PPP4R4: variants seen among roughly 807,000 people sequenced by gnomAD.
PPP4R4 encodes protein phosphatase 4 regulatory subunit 4, also known as serine/threonine-protein phosphatase 4 regulatory subunit 4.
PPP4R4 carries 70 observed loss-of-function variants against 121.8 expected under a neutral mutation model. That is an observed-to-expected ratio of 0.57 (90% CI 0.47 to 0.70). The LOEUF is 0.70. Among genes scored for constraint, PPP4R4 ranks in the 30% least tolerant of loss-of-function variants. The pLI is 0.00. For missense variants in PPP4R4, 875 were observed against 1,033.6 expected, an observed-to-expected ratio of 0.85 and a Z score of 2.10; for synonymous variants, 348 against 355.7, an observed-to-expected ratio of 0.98 and a Z score of 0.24.
chr14:94,225,338 G>A (rs1891636320), intron 3 of PPP4R4, among the ~76,000 whole-genome samples: 1 of 152,118 alleles, frequency 6.6e-6, no homozygotes, highest in African/African-American at 2.4e-5. Flanking sequence ...TGTAATTTGG[G>A]GCCTGCTTTG....
chr14:94,268,789 C>T (rs1271366980), intron 23 of PPP4R4, among the ~76,000 whole-genome samples: 1 of 152,068 alleles, frequency 6.6e-6, no homozygotes, highest in Non-Finnish European at 1.5e-5. Flanking sequence ...ATCACGAGAA[C>T]AGCATGGGAA....
intron 1 of PPP4R4, among the ~76,000 whole-genome samples, chr14:94,175,094 T>A (rs924842654): frequency 6.7e-6 from 1 of 148,580 alleles, no homozygotes; most frequent in East Asian, 2.0e-4. Flanking sequence ...GGCCCACCCA[T>A]CGGTCCACAC....
intron 23 of PPP4R4, among the ~76,000 whole-genome samples, chr14:94,268,448 T>C (rs1242251985): frequency 6.6e-6 from 1 of 152,248 alleles, no homozygotes; most frequent in Non-Finnish European, 1.5e-5. Flanking sequence ...TTATTTAGTT[T>C]TAACTTTGCT....
In PPP4R4 at chr14:94,251,763, A is replaced by G; in HGVS notation, c.1732A>G (p.Lys578Glu). ...QKLIEQLGQG[K>E]SYWNRLRFLD... is the part of the protein sequence containing the mutation. Reference sequence around the variant, plus strand: ...GTTGTTTCTAGAATTGGGCCAAGGAAAAAGTTACTGGAATAGACTTCGATT... The same window carrying G: ...GTTGTTTCTAGAATTGGGCCAAGGAGAAAGTTACTGGAATAGACTTCGATT... The change falls in exon 16 of 25, where the codon AAA becomes GAA. Residue 578 changes from lysine (K) to glutamate (E), a missense_variant. Coordinates refer to ENST00000304338, the MANE Select transcript of PPP4R4 (RefSeq NM_058237.2). 2 of 1,554,028 alleles carry G rather than the reference A, an allele frequency of 1.3e-6. No individual in the cohort carries two copies. Among genetic ancestry groups the G allele is most frequent in the Non-Finnish European group, 1.7e-6 (2 of 1,154,876 alleles).
At chr14:94,189,744 C>T (rs77866591) in intron 2 of PPP4R4, among the ~76,000 whole-genome samples, 1,684 of 152,304 alleles carry the variant, frequency 0.011, 33 homozygotes, top group African/African-American at 0.038. Flanking sequence ...AAATATGCCT[C>T]TGCTTGTTAT....
In PPP4R4 at chr14:94,207,387, C is replaced by T. The variant is rs116004416; in HGVS notation, c.192-1077C>T. 1.6e-3 allele frequency among the ~76,000 whole-genome samples: 236 copies of T among 151,960 alleles called. 2 individuals carry two copies. The highest frequency in any genetic ancestry group is 5.5e-3 in the African/African-American group (228 of 41,494). ...TGATGTCCTGTATTTCATAGCTTAC[C>T]GTATAGCAACAGAAAAAGCCTTTCT... On this transcript the variant is annotated intron_variant, in intron 2 of 24. Coordinates refer to ENST00000304338, the MANE Select transcript of PPP4R4 (RefSeq NM_058237.2).
chr14:94,270,593 T>A (rs925151641), intron 23 of PPP4R4, among the ~76,000 whole-genome samples: 1 of 152,168 alleles, frequency 6.6e-6, no homozygotes, highest in South Asian at 2.1e-4. Flanking sequence ...AATAATATTT[T>A]AAAAAATGGT....
intron 3 of PPP4R4, among the ~76,000 whole-genome samples, chr14:94,219,080 C>CTTTTTTTTTTTT (rs71301922): frequency 3.7e-5 from 4 of 106,952 alleles, no homozygotes; most frequent in Non-Finnish European, 3.7e-5. Flanking sequence ...CTTTTCTTTT[C>CTTTTTTTTTTTT]TTTTTTTTTT....
intron 2 of PPP4R4, among the ~76,000 whole-genome samples, chr14:94,184,992 C>G (rs968833073): frequency 2.6e-5 from 4 of 152,116 alleles, no homozygotes; most frequent in African/African-American, 9.7e-5. Flanking sequence ...TACTTGTATT[C>G]AAGGAGATAG....
chr14:94,186,283 C>T lies in PPP4R4; in HGVS notation c.191+10156C>T, dbSNP rs1474827341. On this transcript the variant is annotated intron_variant, in intron 2 of 24. Transcript: ENST00000304338. ...TCCCTCCCGTGAGCCCCTTCCATTC[C>T]AGGCAACCACTGATGTGCTTTCCGT... is the stretch of plus-strand genomic sequence containing the variant. Among the ~76,000 whole-genome samples, 3 of 152,198 alleles carry T rather than the reference C, an allele frequency of 2.0e-5. No homozygotes were observed. The South Asian group carries it at 6.2e-4, about 31-fold the overall frequency.
chr14:94,177,695 A>C (rs1158895242), intron 2 of PPP4R4, among the ~76,000 whole-genome samples: 1 of 152,206 alleles, frequency 6.6e-6, no homozygotes, highest in Admixed American at 6.5e-5. Flanking sequence ...TCTAAATATC[A>C]GTGATAAGGC....
chr14:94,222,345 A>G (rs527780794), intron 3 of PPP4R4, among the ~76,000 whole-genome samples: 4 of 151,858 alleles, frequency 2.6e-5, no homozygotes, highest in Non-Finnish European at 5.9e-5. Context: ...GAGCTTAGAC[A>G]TTACAAAAAG....
chr14:94,260,307 T>C (rs1893714095), intron 19 of PPP4R4, among the ~76,000 whole-genome samples: 1 of 151,868 alleles, frequency 6.6e-6, no homozygotes, highest in Non-Finnish European at 1.5e-5. Context: ...GTTCCTGTAG[T>C]CCCAGCTACT....
intron 2 of PPP4R4, among the ~76,000 whole-genome samples, chr14:94,200,361 C>G (rs1257775069): frequency 1.3e-5 from 2 of 152,128 alleles, no homozygotes; most frequent in African/African-American, 4.8e-5. Flanking sequence ...TGGCTCAGAG[C>G]TCCAACACAG....
intron 8 of PPP4R4, among the ~76,000 whole-genome samples, chr14:94,238,615 T>C (rs1892467202): frequency 6.6e-6 from 1 of 152,224 alleles, no homozygotes; most frequent in East Asian, 1.9e-4. Context: ...CTCTACTGAA[T>C]GTATGGCTAG....
chr14:94,183,806 A>C (rs1436431922), intron 2 of PPP4R4, among the ~76,000 whole-genome samples: 5 of 152,112 alleles, frequency 3.3e-5, no homozygotes, highest in Non-Finnish European at 7.4e-5. Flanking sequence ...ATAGTGTTTT[A>C]TTACTTTAAA....
chr14:94,175,995 TG>T (rs2139365157), intron 1 of PPP4R4, 58 bp from the exon 2 acceptor site: 1 of 1,347,680 alleles, frequency 7.4e-7, no homozygotes, highest in South Asian at 1.2e-5. Context: ...ACTGGGAGGT[TG>T]GGGGGCAAGA....
At position 94,275,469 on chromosome 14, in the gene PPP4R4, G is replaced by C. The variant is rs376008975; in HGVS notation, c.2545G>C (p.Val849Leu). The C allele has an allele frequency of 4.3e-6, 7 of 1,614,068 alleles. No homozygotes were observed. The Admixed American group carries it at 1.2e-4, about 27-fold the overall frequency. Residue 849 changes from valine to leucine, a missense_variant, in exon 24 of 25, where the codon GTT (valine) becomes CTT (leucine). Transcript: ENST00000304338. Reference protein sequence around the residue: ...PSTSRGTGNSVDPKSSGSKDT... With the variant: ...PSTSRGTGNSLDPKSSGSKDT... The stretch of plus-strand genomic sequence containing the variant: ...TACTTCCCGTGGGACAGGTAACTCA[G>C]TTGACCCCAAGAGCAGTGGAAGTAA...
chr14:94,279,648 G>A lies in PPP4R4; in HGVS notation c.*1005G>A, dbSNP rs2139683259. 1 of 152,648 alleles carries A rather than the reference G, an allele frequency of 6.6e-6. No individual in the cohort carries two copies. The highest frequency in any genetic ancestry group is 2.4e-5 in the African/African-American group (1 of 41,554). The allele number at this position is 152,648 out of a possible 1,614,324, so 9.5% of individuals were successfully genotyped here. ...ATGTATGATAAAGATGATCTAATTT[G>A]TGAATGCATATGTATGTGTGGTTAC... is the stretch of plus-strand genomic sequence containing the variant. On this transcript the variant is annotated 3_prime_UTR_variant, in exon 25 of 25. Transcript: ENST00000304338.
Sources: allele counts gnomAD v4.1 joint callset (sites outside exome capture counted in the v4.1 genomes callset), GRCh38; gene constraint gnomAD v4.1.1; transcripts MANE v1.5; gene names NCBI Gene and HGNC (gene_info 2026-07-23, HGNC 2026-07-21).